Variants in CCDC141 observed in about 807,000 individuals in gnomAD.
The protein encoded by CCDC141 is coiled-coil domain-containing protein 141.
CCDC141 carries 168 observed loss-of-function variants against 181.0 expected under a neutral mutation model. The ratio of observed to expected loss-of-function variants is 0.93; its 90% CI spans 0.82 to 1.05. The LOEUF is 1.05. Among genes scored for constraint, CCDC141 ranks in the 50% least tolerant of loss-of-function variants. CCDC141 has a pLI of 0.00. For synonymous variants in CCDC141, 666 were observed against 642.3 expected (o/e 1.04, Z -0.56); for missense variants, 1,902 against 1,788.5 (o/e 1.06, Z -1.14).
At chr2:178,872,426 T>C in intron 12 of CCDC141, 114 bp from the exon 13 acceptor site, 1 of 940,514 alleles carries the variant, frequency 1.1e-6, no homozygotes, top group Non-Finnish European at 1.6e-6. Context: ...CCGAAGATGG[T>C]TCTGACATCC....
intron 6 of CCDC141, among the ~76,000 whole-genome samples, chr2:178,920,053 C>A (rs190851038): frequency 5.9e-5 from 9 of 152,226 alleles, no homozygotes; most frequent in Non-Finnish European, 2.9e-5. Context: ...AAGGGAAATT[C>A]AAGTTTCTTG....
intron 2 of CCDC141, among the ~76,000 whole-genome samples, chr2:178,982,830 C>A (rs113691368): frequency 3.9e-5 from 6 of 152,156 alleles, no homozygotes; most frequent in African/African-American, 1.4e-4. Flanking sequence ...ACAGAGTCTC[C>A]CTGATTGCTA....
At chr2:178,929,218 G>A (rs115314587) in intron 6 of CCDC141, among the ~76,000 whole-genome samples, 2,441 of 152,182 alleles carry the variant, frequency 0.016, 46 homozygotes, top group African/African-American at 0.055. Context: ...GTAATCATCA[G>A]ATATGTGAGC....
At chr2:178,864,993 A>G (rs1249463746) in intron 17 of CCDC141, among the ~76,000 whole-genome samples, 1 of 152,202 alleles carries the variant, frequency 6.6e-6, no homozygotes. Context: ...AACCATTGCT[A>G]TCCCAATCTG....
chr2:178,874,201 C>T (rs1186331635), intron 12 of CCDC141: 1 of 152,188 alleles, frequency 6.6e-6, no homozygotes, highest in Admixed American at 6.5e-5. Flanking sequence ...AATCGTTTTA[C>T]TTACTTTACC....
At chr2:178,987,538 A>G (rs1315683101) in intron 2 of CCDC141, among the ~76,000 whole-genome samples, 1 of 151,940 alleles carries the variant, frequency 6.6e-6, no homozygotes, top group African/African-American at 2.4e-5. Flanking sequence ...GGCAACCTAC[A>G]ACATGGGAGA....
chr2:179,015,067 GATATATATATATATATAT>G (rs1177070237), intron 2 of CCDC141, among the ~76,000 whole-genome samples: 3 of 39,594 alleles, frequency 7.6e-5, no homozygotes, highest in African/African-American at 2.0e-4. Context: ...GAGAGACAGA[GATATATATATATATATAT>G]ATATATATAT....
In CCDC141 at chr2:179,015,280, ATC is replaced by A. The variant is rs1338321278; in HGVS notation, c.225+32002_225+32003del. Among the ~76,000 whole-genome samples the A allele has an allele frequency of 3.7e-4, 46 of 125,320 alleles. 1 individual carries two copies. Among genetic ancestry groups the A allele is most frequent in the African/African-American group, 1.2e-3 (42 of 35,178 alleles). 82.2% of individuals were successfully genotyped at this position (125,320 alleles called of 152,430 possible). ...CATATATATCATATATATCTCATCT[ATC>A]TCTCATATATCTCATATATGTATCA... On this transcript the variant is annotated intron_variant, in intron 2 of 23. Transcript: ENST00000443758.
At chr2:178,843,190 C>A (rs966783) in intron 22 of CCDC141, among the ~76,000 whole-genome samples, 1 of 152,132 alleles carries the variant, frequency 6.6e-6, no homozygotes, top group South Asian at 2.1e-4. Context: ...TTTGGTCTTG[C>A]GGGAAAAGTG....
At chr2:178,995,119 A>C (rs972350382) in intron 2 of CCDC141, among the ~76,000 whole-genome samples, 1 of 152,202 alleles carries the variant, frequency 6.6e-6, no homozygotes, top group Non-Finnish European at 1.5e-5. Context: ...GTATCTTTTC[A>C]GCAGCATCCC....
At position 178,935,036 on chromosome 2, in the gene CCDC141, G is replaced by T. The variant is rs114054867; in HGVS notation, c.897+9499C>A. On this transcript the variant is annotated intron_variant, in intron 6 of 23. Coordinates refer to ENST00000443758, the MANE Select transcript of CCDC141 (RefSeq NM_173648.4). ...AAAAACCACAGATAAAAACTATTTGGAAGTTTACACTATGGATGGGAAAGG... is the reference window on the plus strand; with the variant it reads ...AAAAACCACAGATAAAAACTATTTGTAAGTTTACACTATGGATGGGAAAGG... Among the ~76,000 whole-genome samples the T allele has an allele frequency of 5.2e-3, 798 of 152,224 alleles. 12 individuals carry two copies. The highest frequency in any genetic ancestry group is 0.018 in the African/African-American group (755 of 41,550).
At chr2:178,912,612 A>T (rs1452896857) in intron 7 of CCDC141, among the ~76,000 whole-genome samples, 1 of 152,188 alleles carries the variant, frequency 6.6e-6, no homozygotes, top group Non-Finnish European at 1.5e-5. Context: ...GGAGTACAGG[A>T]AGAGGGTAAA....
intron 2 of CCDC141, among the ~76,000 whole-genome samples, chr2:179,042,496 C>T (rs976383651): frequency 6.6e-6 from 1 of 152,076 alleles, no homozygotes; most frequent in Admixed American, 6.6e-5. Flanking sequence ...TACAGGCACG[C>T]ACCACTACAC....
chr2:178,837,803 A>G, intron 22 of CCDC141, 59 bp from the exon 23 acceptor site: 1 of 1,535,512 alleles, frequency 6.5e-7, no homozygotes, highest in Non-Finnish European at 8.7e-7. Context: ...TCCAGTTTCA[A>G]TTACAGTAAA....
intron 8 of CCDC141, among the ~76,000 whole-genome samples, chr2:178,903,775 TA>T (rs200542386): frequency 1.2e-3 from 171 of 142,280 alleles, no homozygotes; most frequent in East Asian, 9.2e-3. Flanking sequence ...AAAAAAAAAT[TA>T]AAAAAAAAAA....
chr2:178,986,653 A>G (rs1691758534), intron 2 of CCDC141, among the ~76,000 whole-genome samples: 1 of 151,910 alleles, frequency 6.6e-6, no homozygotes, highest in Non-Finnish European at 1.5e-5. Flanking sequence ...AAAAATCACA[A>G]GCATTCCTAT....
intron 6 of CCDC141, among the ~76,000 whole-genome samples, chr2:178,928,112 A>C (rs1370741417): frequency 1.3e-5 from 2 of 152,220 alleles, no homozygotes; most frequent in African/African-American, 4.8e-5. Context: ...AATTAGGAAG[A>C]AACAGAGAAA....
intron 22 of CCDC141, 94 bp downstream of exon 22, chr2:178,845,532 A>G: frequency 1.4e-6 from 1 of 726,104 alleles, no homozygotes. Flanking sequence ...TGGATAGATA[A>G]GAAAGCTGCA....
intron 1 of CCDC141, among the ~76,000 whole-genome samples, chr2:179,047,872 C>T (rs554901639): frequency 6.6e-6 from 1 of 152,274 alleles, no homozygotes; most frequent in African/African-American, 2.4e-5. Context: ...AGTGTCTTTA[C>T]ATTGGCCTTG....
Sources: allele counts gnomAD v4.1 joint callset (sites outside exome capture counted in the v4.1 genomes callset), GRCh38; gene constraint gnomAD v4.1.1; transcripts MANE v1.5; gene names NCBI Gene and HGNC (gene_info 2026-07-23, HGNC 2026-07-21).